RPAP2: variants seen among roughly 807,000 people sequenced by gnomAD.
RPAP2 encodes putative RNA polymerase II subunit B1 CTD phosphatase RPAP2.
In RPAP2, 52 loss-of-function variants were observed where a neutral mutation model predicts 73.1. The ratio of observed to expected loss-of-function variants is 0.71; its 90% CI spans 0.57 to 0.90. RPAP2 has a LOEUF of 0.90. RPAP2 is among the 40% of genes least tolerant of loss of function. The pLI is 0.00. For synonymous variants in RPAP2, 225 were observed against 242.1 expected, an observed-to-expected ratio of 0.93 and a Z score of 0.65; for missense variants, 598 against 701.8, an observed-to-expected ratio of 0.85 and a Z score of 1.67.
chr1:92,381,722 T>C (rs1485178896), intron 12 of RPAP2, among the ~76,000 whole-genome samples: 3 of 151,902 alleles, frequency 2.0e-5, no homozygotes, highest in Non-Finnish European at 4.4e-5. Flanking sequence ...ATCCTATCTC[T>C]TTCCCACAAG....
chr1:92,316,328 TG>T (rs1234349473), intron 6 of RPAP2, among the ~76,000 whole-genome samples: 1 of 152,174 alleles, frequency 6.6e-6, no homozygotes, highest in Non-Finnish European at 1.5e-5. Context: ...CTCTGTTGCT[TG>T]GTATGCAGAA....
intron 8 of RPAP2, among the ~76,000 whole-genome samples, chr1:92,328,771 A>G (rs1272553573): frequency 2.0e-5 from 3 of 152,158 alleles, no homozygotes; most frequent in Admixed American, 2.0e-4. Context: ...TCATTTGGGT[A>G]GACTGTGAGA....
chr1:92,306,559 A>T lies in RPAP2; in HGVS notation c.400-629A>T, dbSNP rs189639290. Among the ~76,000 whole-genome samples the T allele has an allele frequency of 5.0e-3, 759 of 152,340 alleles. 1 individual carries two copies. Among genetic ancestry groups the T allele is most frequent in the Non-Finnish European group, 7.7e-3 (525 of 68,030 alleles). ...AACTACTTGAATGAATCTTAAAAACATAATTTTAAACAAAAGAAGTGGCTA... is the reference window on the plus strand; with the variant it reads ...AACTACTTGAATGAATCTTAAAAACTTAATTTTAAACAAAAGAAGTGGCTA... On this transcript the variant is annotated intron_variant, in intron 5 of 12. Coordinates refer to ENST00000610020, the MANE Select transcript of RPAP2 (RefSeq NM_024813.3).
intron 11 of RPAP2, among the ~76,000 whole-genome samples, chr1:92,372,071 C>T (rs143935531): frequency 7.1e-4 from 108 of 152,184 alleles, no homozygotes; most frequent in African/African-American, 2.4e-3. Flanking sequence ...AGTCATTCCA[C>T]AATGTACACA....
chr1:92,305,432 C>CAAAAAAAAAAAAAAAAAAAA lies in RPAP2; in HGVS notation c.399+1102_399+1103insAAAAAAAAAAAAAAAAAAAA, dbSNP rs71091273. ...GGGGCAACAGAGTGAGGCTCCGTCT[C>CAAAAAAAAAAAAAAAAAAAA]AAAAAAAAAAAAAAAAAAAGACAAT... On this transcript the variant is annotated intron_variant, in intron 5 of 12. Coordinates refer to ENST00000610020, the MANE Select transcript of RPAP2 (RefSeq NM_024813.3). Among the ~76,000 whole-genome samples, 58 of 52,674 alleles carry CAAAAAAAAAAAAAAAAAAAA rather than the reference C, an allele frequency of 1.1e-3. 1 individual carries two copies. The highest frequency in any genetic ancestry group is 4.1e-3 in the East Asian group (3 of 728). 34.6% of individuals were successfully genotyped at this position (52,674 alleles called of 152,430 possible).
rs574425053 is a variant in RPAP2, at chr1:92,387,639, G to A, written c.*628G>A. 286 of 152,212 alleles carry A rather than the reference G, an allele frequency of 1.9e-3. No individual in the cohort carries two copies. Among genetic ancestry groups the A allele is most frequent in the African/African-American group, 6.5e-3 (269 of 41,506 alleles). The allele number at this position is 152,212 out of a possible 1,614,324, so 9.4% of individuals were successfully genotyped here. A position where few individuals can be genotyped will look rare whatever the true frequency, so the allele number is the denominator to read the frequency against. On this transcript the variant is annotated 3_prime_UTR_variant, in exon 13 of 13. Coordinates refer to ENST00000610020, the MANE Select transcript of RPAP2 (RefSeq NM_024813.3). The stretch of plus-strand genomic sequence containing the variant: ...AGGTAGGCAAGTTAGCAGTTGAGGC[G>A]GAACACAGACAACTTGGGGAGCTTT...
intron 6 of RPAP2, among the ~76,000 whole-genome samples, chr1:92,319,095 T>G (rs879533053): frequency 6.6e-6 from 1 of 152,064 alleles, no homozygotes; most frequent in Non-Finnish European, 1.5e-5. Context: ...AGAGTGGAGA[T>G]TCAAGGGATT....
chr1:92,390,710 C>T lies in RPAP2; in HGVS notation c.*3699C>T, dbSNP rs1364036238. 1 of 152,062 alleles carries T rather than the reference C, an allele frequency of 6.6e-6. No individual in the cohort carries two copies. The highest frequency in any genetic ancestry group is 1.9e-4 in the East Asian group (1 of 5,188). 9.4% of individuals were successfully genotyped at this position (152,062 alleles called of 1,614,324 possible). On this transcript the variant is annotated 3_prime_UTR_variant, in exon 13 of 13. Coordinates refer to ENST00000610020, the MANE Select transcript of RPAP2 (RefSeq NM_024813.3). ...AAAGGATGTAGGAAGATTTACCAAG[C>T]AAATGGAAAGCAGAAAAAAGCAGGG...
At chr1:92,325,109 G>A (rs1652550524) in intron 8 of RPAP2, among the ~76,000 whole-genome samples, 1 of 152,094 alleles carries the variant, frequency 6.6e-6, no homozygotes, top group Admixed American at 6.5e-5. Context: ...TTGAAAATGT[G>A]CCACTGAGAT....
At chr1:92,349,885 C>G (rs1654111147) in intron 11 of RPAP2, among the ~76,000 whole-genome samples, 2 of 152,148 alleles carry the variant, frequency 1.3e-5, no homozygotes, top group Admixed American at 6.5e-5. Context: ...CATAATCATG[C>G]CACTGCACTC....
chr1:92,347,979 G>A (rs1458029087), intron 11 of RPAP2, among the ~76,000 whole-genome samples: 2 of 151,732 alleles, frequency 1.3e-5, no homozygotes, highest in African/African-American at 4.8e-5. Context: ...GCACAATCTC[G>A]GCTCACTGCA....
chr1:92,352,206 C>A (rs2101343501), intron 11 of RPAP2, among the ~76,000 whole-genome samples: 1 of 152,278 alleles, frequency 6.6e-6, no homozygotes. Flanking sequence ...AGAGACCATA[C>A]AATAGTTTAT....
chr1:92,396,852 C>G lies in RPAP2; in HGVS notation c.*9841C>G, dbSNP rs1656195158. On this transcript the variant is annotated 3_prime_UTR_variant, in exon 13 of 13. Coordinates refer to ENST00000610020, the MANE Select transcript of RPAP2 (RefSeq NM_024813.3). ...ACAGGTTTTCTCCAGGTTGGTCAGG[C>G]TGGTCTCGAACTCCTGACCTCAGGT... is the stretch of plus-strand genomic sequence containing the variant. 2 of 152,212 alleles carry G rather than the reference C, an allele frequency of 1.3e-5. No individual in the cohort carries two copies. The highest frequency in any genetic ancestry group is 4.8e-5 in the African/African-American group (2 of 41,524). 9.4% of individuals were successfully genotyped at this position (152,212 alleles called of 1,614,324 possible). A position where few individuals can be genotyped will look rare whatever the true frequency, so the allele number is the denominator to read the frequency against.
At chr1:92,303,140 C>T (rs1456619962) in intron 3 of RPAP2, among the ~76,000 whole-genome samples, 1 of 152,124 alleles carries the variant, frequency 6.6e-6, no homozygotes, top group Non-Finnish European at 1.5e-5. Context: ...CAAATTAAAA[C>T]TCAAAGCTTC....
chr1:92,376,362 AG>A (rs1394428600), intron 11 of RPAP2, among the ~76,000 whole-genome samples: 9 of 152,154 alleles, frequency 5.9e-5, no homozygotes, highest in African/African-American at 2.2e-4. Context: ...GAGTCTTTTC[AG>A]TTAAAGATTA....
chr1:92,313,512 A>G (rs1651719993), intron 6 of RPAP2, among the ~76,000 whole-genome samples: 1 of 151,262 alleles, frequency 6.6e-6, no homozygotes, highest in South Asian at 2.1e-4. Context: ...TGCTGTAAAC[A>G]GATGTGCAGT....
intron 11 of RPAP2, among the ~76,000 whole-genome samples, chr1:92,354,560 A>T (rs1275696412): frequency 6.6e-6 from 1 of 152,236 alleles, no homozygotes; most frequent in East Asian, 1.9e-4. Flanking sequence ...AGTGGAAAGC[A>T]TCCCTGCTTC....
At chr1:92,308,106 T>C (rs561063130) in intron 6 of RPAP2, among the ~76,000 whole-genome samples, 3 of 152,172 alleles carry the variant, frequency 2.0e-5, no homozygotes, top group Non-Finnish European at 4.4e-5. Flanking sequence ...CTTGAAGTCT[T>C]TTCTGATGCG....
At chr1:92,320,422 A>C (rs570017142) in intron 6 of RPAP2, among the ~76,000 whole-genome samples, 177 bp from the exon 7 acceptor site, 3 of 151,854 alleles carry the variant, frequency 2.0e-5, no homozygotes, top group Non-Finnish European at 4.4e-5. Context: ...ACAGGCGCGC[A>C]CCGCCATGTC....
Sources: allele counts gnomAD v4.1 joint callset (sites outside exome capture counted in the v4.1 genomes callset), GRCh38; gene constraint gnomAD v4.1.1; transcripts MANE v1.5; gene names NCBI Gene and HGNC (gene_info 2026-07-23, HGNC 2026-07-21).